Variants in SLC14A2 observed in about 807,000 individuals in gnomAD.
The protein encoded by SLC14A2 is solute carrier family 14 member 2, also known as urea transporter 2.
Under a neutral mutation model 104.6 loss-of-function variants are expected in SLC14A2, and 91 were observed. That is an observed-to-expected ratio of 0.87 (90% CI 0.73 to 1.04). The LOEUF is 1.04. Among genes scored for constraint, SLC14A2 ranks in the 50% least tolerant of loss-of-function variants. The pLI, the probability that SLC14A2 is intolerant of heterozygous loss-of-function variation, is 0.00. For synonymous variants in SLC14A2, 476 were observed against 466.4 expected (o/e 1.02, Z -0.27); for missense variants, 1,189 against 1,156.0 (o/e 1.03, Z -0.41).
chr18:45,198,859 G>C, the SLC14A2 span, among the ~76,000 whole-genome samples: 1 of 143,634 alleles, frequency 7.0e-6, no homozygotes, highest in East Asian at 1.9e-4. Flanking sequence ...TAAAGATAAA[G>C]AGAAGCATAT....
chr18:45,331,413 C>T (rs750878207), intron 1 of SLC14A2, among the ~76,000 whole-genome samples: 11 of 152,102 alleles, frequency 7.2e-5, no homozygotes, highest in South Asian at 2.1e-4. Flanking sequence ...TAATCCTGGC[C>T]GGGTGTGGTG....
chr18:45,511,658 G>A (rs926391422), intron 2 of SLC14A2, among the ~76,000 whole-genome samples: 1 of 152,182 alleles, frequency 6.6e-6, no homozygotes. Context: ...ATGAGCTGGG[G>A]TCTCAGGTGT....
In SLC14A2 at chr18:45,434,713, A is replaced by C. The variant is rs1211598205; in HGVS notation, c.-124-48520A>C. On this transcript the variant is annotated intron_variant, in intron 1 of 20. Coordinates refer to the SLC14A2 transcript ENST00000586448. The stretch of plus-strand genomic sequence containing the variant: ...AAACCAGCACGTGAAGATTTCAATC[A>C]GAAATAGATGGGCACTTTTTAAACT... Among the ~76,000 whole-genome samples, 4 of 152,246 alleles carry C rather than the reference A, an allele frequency of 2.6e-5. No individual in the cohort carries two copies. In the East Asian group the frequency reaches 7.7e-4, roughly 29 times the overall value.
intron 2 of SLC14A2, among the ~76,000 whole-genome samples, chr18:45,544,784 G>GTT (rs2043945057): frequency 7.7e-6 from 1 of 129,754 alleles, no homozygotes; most frequent in African/African-American, 2.8e-5. Context: ...TATCAATAAT[G>GTT]TCTTTTTTTT....
intron 1 of SLC14A2, among the ~76,000 whole-genome samples, chr18:45,413,231 C>T (rs59429253): frequency 0.018 from 2,691 of 152,198 alleles, 77 homozygotes; most frequent in African/African-American, 0.061. Flanking sequence ...GAAAGGGCAT[C>T]GGGAGGTTTT....
intron 1 of SLC14A2, among the ~76,000 whole-genome samples, chr18:45,293,373 G>A (rs2144172350): frequency 6.6e-6 from 1 of 152,048 alleles, no homozygotes; most frequent in South Asian, 2.1e-4. Flanking sequence ...TGAATGTAAT[G>A]GACACAACAC....
chr18:45,387,353 AG>A (rs1381910004), intron 1 of SLC14A2, among the ~76,000 whole-genome samples: 2 of 152,294 alleles, frequency 1.3e-5, no homozygotes, highest in South Asian at 2.1e-4. Flanking sequence ...CCAAACAAGG[AG>A]GCAGAAAATG....
Position 45,411,951 on chromosome 18 carries a change from A to G in SLC14A2, c.-124-71282A>G, listed in dbSNP as rs191334737. Among the ~76,000 whole-genome samples the G allele has an allele frequency of 7.9e-4, 121 of 152,310 alleles. 2 individuals carry two copies. The Middle Eastern group carries it at 0.027, about 34-fold the overall frequency. Reference sequence around the variant, plus strand: ...TTTCCCTGGAGACACCCTCTCCTCCATGAACACATGCACTCCCAACCAAGA... The same window carrying G: ...TTTCCCTGGAGACACCCTCTCCTCCGTGAACACATGCACTCCCAACCAAGA... On this transcript the variant is annotated intron_variant, in intron 1 of 20. Coordinates refer to the SLC14A2 transcript ENST00000586448.
At chr18:45,644,316 A>G in intron 10 of SLC14A2, 156 bp downstream of exon 10, 1 of 609,534 alleles carries the variant, frequency 1.6e-6, no homozygotes, top group South Asian at 3.0e-5. Flanking sequence ...TCTTTCCCTG[A>G]AGCTGATTTT....
At chr18:45,288,119 G>A (rs943487040) in intron 1 of SLC14A2, among the ~76,000 whole-genome samples, 17 of 152,310 alleles carry the variant, frequency 1.1e-4, no homozygotes, top group African/African-American at 4.1e-4. Flanking sequence ...CTTAAAATGA[G>A]ATGAAGAAAG....
At chr18:45,331,039 A>C (rs1434331514) in intron 1 of SLC14A2, among the ~76,000 whole-genome samples, 1 of 152,262 alleles carries the variant, frequency 6.6e-6, no homozygotes, top group Non-Finnish European at 1.5e-5. Flanking sequence ...ATACATAGGT[A>C]AAATTGTTGA....
chr18:45,288,364 A>C (rs955309008), intron 1 of SLC14A2, among the ~76,000 whole-genome samples: 1 of 152,196 alleles, frequency 6.6e-6, no homozygotes, highest in South Asian at 2.1e-4. Context: ...TGAGCAAACA[A>C]ATGTCATGCA....
chr18:45,551,396 C>T (rs537288702), intron 2 of SLC14A2, among the ~76,000 whole-genome samples: 9 of 152,330 alleles, frequency 5.9e-5, no homozygotes, highest in Admixed American at 5.2e-4. Flanking sequence ...ATGCTCAAAG[C>T]GCAGAGCTGC....
At chr18:45,585,973 C>T (rs1053790646) in intron 2 of SLC14A2, among the ~76,000 whole-genome samples, 1 of 152,182 alleles carries the variant, frequency 6.6e-6, no homozygotes, top group Admixed American at 6.5e-5. Flanking sequence ...CTTATTCAGT[C>T]AACATGGATT....
chr18:45,432,026 A>G (rs2086524769), intron 1 of SLC14A2, among the ~76,000 whole-genome samples: 1 of 152,146 alleles, frequency 6.6e-6, no homozygotes, highest in Non-Finnish European at 1.5e-5. Flanking sequence ...TCAAAGAGGG[A>G]GATGAAAACT....
chr18:45,495,678 C>A (rs1339045646), intron 2 of SLC14A2, among the ~76,000 whole-genome samples: 1 of 152,164 alleles, frequency 6.6e-6, no homozygotes, highest in Non-Finnish European at 1.5e-5. Flanking sequence ...CTCTATGACA[C>A]CCTGGGAAAG....
At chr18:45,205,408 A>G in the SLC14A2 span, among the ~76,000 whole-genome samples, 2 of 152,240 alleles carry the variant, frequency 1.3e-5, no homozygotes, top group Admixed American at 1.3e-4. Flanking sequence ...TGTAAGTTGC[A>G]AAACATTTTA....
chr18:45,622,145 C>T (rs772133645), intron 1 of SLC14A2, among the ~76,000 whole-genome samples: 4 of 152,054 alleles, frequency 2.6e-5, no homozygotes, highest in African/African-American at 4.8e-5. Context: ...CTCTTCCCTG[C>T]GGGGCATGGC....
At chr18:45,355,599 A>C (rs901799080) in intron 1 of SLC14A2, among the ~76,000 whole-genome samples, 1 of 151,338 alleles carries the variant, frequency 6.6e-6, no homozygotes, top group Non-Finnish European at 1.5e-5. Context: ...AAAAAAAAAA[A>C]ACCCTGATTT....
Sources: allele counts gnomAD v4.1 joint callset (sites outside exome capture counted in the v4.1 genomes callset), GRCh38; gene constraint gnomAD v4.1.1; transcripts MANE v1.5; gene names NCBI Gene and HGNC (gene_info 2026-07-23, HGNC 2026-07-21).